TAAR1: variants seen among roughly 807,000 people sequenced by gnomAD.
TAAR1 encodes the protein trace amine associated receptor 1, also known as trace amine-associated receptor 1.
In TAAR1, 1 loss-of-function variant was observed where a neutral mutation model predicts 1.2. The ratio of observed to expected loss-of-function variants is 0.81; its 90% CI spans 0.29 to 3.86. TAAR1 has a LOEUF of 3.86. Among genes scored for constraint, TAAR1 ranks in the 30% most tolerant of loss-of-function variants. The pLI is 0.18. For missense variants in TAAR1, 445 were observed against 405.6 expected (o/e 1.10, Z -0.83); for synonymous variants, 153 against 132.2 (o/e 1.16, Z -1.08).
intron 1 of TAAR1, among the ~76,000 whole-genome samples, chr6:132,658,112 T>C (rs750578828): frequency 7.9e-5 from 12 of 152,154 alleles, no homozygotes; most frequent in Non-Finnish European, 1.2e-4. Context: ...TAGACAATAA[T>C]AATTTTACTC....
At chr6:132,657,785 TG>T (rs1777821994) in intron 1 of TAAR1, among the ~76,000 whole-genome samples, 2 of 152,076 alleles carry the variant, frequency 1.3e-5, no homozygotes, top group African/African-American at 4.8e-5. Flanking sequence ...CGTTTTTACC[TG>T]GGTGGTGAAT....
At chr6:132,656,193 A>G (rs529770943) in intron 1 of TAAR1, among the ~76,000 whole-genome samples, 1 of 152,298 alleles carries the variant, frequency 6.6e-6, no homozygotes, top group South Asian at 2.1e-4. Flanking sequence ...AAAACAAAAA[A>G]AACTATTTTC....
At chr6:132,651,410 T>C (rs1422125771) in intron 1 of TAAR1, among the ~76,000 whole-genome samples, 1 of 152,212 alleles carries the variant, frequency 6.6e-6, no homozygotes, top group Non-Finnish European at 1.5e-5. Flanking sequence ...TTAACTTGTC[T>C]AAAGCCAAGC....
chr6:132,652,931 T>TC (rs1316901918), intron 1 of TAAR1, among the ~76,000 whole-genome samples: 1 of 151,054 alleles, frequency 6.6e-6, no homozygotes, highest in African/African-American at 2.4e-5. Flanking sequence ...GAAAAGGAGG[T>TC]CCCCAGAGTC....
intron 1 of TAAR1, among the ~76,000 whole-genome samples, chr6:132,651,324 A>G (rs963119570): frequency 2.6e-5 from 4 of 152,202 alleles, no homozygotes; most frequent in African/African-American, 9.7e-5. Context: ...GATGAGTATC[A>G]TATGAATACT....
chr6:132,647,568 GGA>G (rs1777690383), intron 1 of TAAR1, among the ~76,000 whole-genome samples: 1 of 138,868 alleles, frequency 7.2e-6, no homozygotes, highest in Admixed American at 7.6e-5. Flanking sequence ...AAGGAAGGAA[GGA>G]AGGAAGGAGA....
intron 1 of TAAR1, among the ~76,000 whole-genome samples, chr6:132,657,930 T>A (rs1289094412): frequency 6.6e-6 from 1 of 152,110 alleles, no homozygotes; most frequent in East Asian, 1.9e-4. Context: ...AGTTTCATTT[T>A]AAAAAACTAT....
intron 1 of TAAR1, among the ~76,000 whole-genome samples, chr6:132,652,039 T>A (rs570640235): frequency 6.6e-6 from 1 of 152,300 alleles, no homozygotes; most frequent in East Asian, 1.9e-4. Context: ...CTTAAATTCA[T>A]CAAGTTCTGT....
chr6:132,652,931 T>C (rs578204214), intron 1 of TAAR1, among the ~76,000 whole-genome samples: 8 of 151,172 alleles, frequency 5.3e-5, no homozygotes, highest in Admixed American at 4.6e-4. Flanking sequence ...GAAAAGGAGG[T>C]CCCCAGAGTC....
chr6:132,645,835 G>C lies in TAAR1; in HGVS notation c.169C>G (p.Pro57Ala). ...ATGGAATGAATGAGCCAATTTGTTG[G>C]GGTATGAAGTTGTTTGAAGTGTGAT... ...SISHFKQLHT[P>A]TNWLIHSMAT... Residue 57 changes from proline (P) to alanine (A), a missense_variant, in exon 2 of 2, where the codon CCA becomes GCA. Pro to Ala is a conservative substitution (Grantham distance 27). Coordinates refer to ENST00000275216, the MANE Select transcript of TAAR1 (RefSeq NM_138327.4). 1.2e-6 allele frequency: 2 copies of C among 1,613,742 alleles called. No homozygotes were observed. Among genetic ancestry groups the C allele is most frequent in the South Asian group, 2.2e-5 (2 of 91,058 alleles).
At position 132,644,470 on chromosome 6, in the gene TAAR1, A is replaced by G. The variant is rs938822779; in HGVS notation, c.*514T>C. Among the ~76,000 whole-genome samples the G allele has an allele frequency of 6.6e-6, 1 of 152,040 alleles. No individual in the cohort carries two copies. Among genetic ancestry groups the G allele is most frequent in the African/African-American group, 2.4e-5 (1 of 41,432 alleles). ...AACATAATTTAAAAATGTGAAGATC[A>G]AGATATTTAAGGATTGGAATATATA... On this transcript the variant is annotated 3_prime_UTR_variant, in exon 2 of 2. Transcript: ENST00000275216.
chr6:132,650,411 A>G (rs780083762), intron 1 of TAAR1, among the ~76,000 whole-genome samples: 14 of 152,184 alleles, frequency 9.2e-5, no homozygotes, highest in Admixed American at 3.3e-4. Context: ...GGCACACTGA[A>G]TGTGGCATAG....
chr6:132,644,086 A>G lies in TAAR1; in HGVS notation c.*898T>C, dbSNP rs1777631098. Reference sequence around the variant, plus strand: ...GTGGCAGGTAAAAAGCAGGAATTTCATTTAATTTATATTATTTTTAGAAAA... The same window carrying G: ...GTGGCAGGTAAAAAGCAGGAATTTCGTTTAATTTATATTATTTTTAGAAAA... On this transcript the variant is annotated 3_prime_UTR_variant, in exon 2 of 2. Coordinates refer to ENST00000275216, the MANE Select transcript of TAAR1 (RefSeq NM_138327.4). Among the ~76,000 whole-genome samples the G allele has an allele frequency of 6.6e-6, 1 of 151,998 alleles. No individual in the cohort carries two copies. The highest frequency in any genetic ancestry group is 2.1e-4 in the South Asian group (1 of 4,834).
At chr6:132,646,294 G>A (rs188327712) in intron 1 of TAAR1, among the ~76,000 whole-genome samples, 165 bp from the exon 2 acceptor site, 160 of 152,142 alleles carry the variant, frequency 1.1e-3, no homozygotes, top group Middle Eastern at 3.4e-3. Flanking sequence ...CTTTTACCTG[G>A]AGCTGGACAT....
intron 1 of TAAR1, among the ~76,000 whole-genome samples, chr6:132,655,596 G>GGA (rs1450623594): frequency 2.6e-5 from 4 of 151,962 alleles, no homozygotes; most frequent in Non-Finnish European, 4.4e-5. Flanking sequence ...CAATCCTCCT[G>GGA]GCTTGGCCTC....
At chr6:132,651,668 TTAATC>T (rs1777750482) in intron 1 of TAAR1, among the ~76,000 whole-genome samples, 1 of 152,228 alleles carries the variant, frequency 6.6e-6, no homozygotes, top group Non-Finnish European at 1.5e-5. Context: ...AATCTCCAGA[TTAATC>T]TAATAACCTC....
intron 1 of TAAR1, among the ~76,000 whole-genome samples, chr6:132,653,573 C>G (rs949858932): frequency 2.0e-5 from 3 of 152,166 alleles, no homozygotes; most frequent in African/African-American, 7.2e-5. Flanking sequence ...ACATTATAAT[C>G]TATGCCAGAA....
chr6:132,646,840 T>A (rs1215900036), intron 1 of TAAR1, among the ~76,000 whole-genome samples: 3 of 152,170 alleles, frequency 2.0e-5, no homozygotes, highest in African/African-American at 7.2e-5. Flanking sequence ...TGAGCTGTGG[T>A]CTCAATTACT....
chr6:132,652,076 T>C (rs1448608935), intron 1 of TAAR1, among the ~76,000 whole-genome samples: 1 of 152,180 alleles, frequency 6.6e-6, no homozygotes, highest in Non-Finnish European at 1.5e-5. Context: ...GTAACTATTT[T>C]AATATAAGTG....
Sources: gnomAD v4.1 joint callset for allele counts (sites outside exome capture counted in the v4.1 genomes callset) on GRCh38, gnomAD v4.1.1 for gene constraint, MANE v1.5 for transcripts, NCBI Gene and HGNC (gene_info 2026-07-23, HGNC 2026-07-21) for gene names.